The following ABCB7 variants were observed in gnomAD, a reference collection of about 807,000 sequenced individuals.
The protein encoded by ABCB7 is iron-sulfur clusters transporter ABCB7, mitochondrial.
ABCB7 carries 7 observed loss-of-function variants against 54.4 expected under a neutral mutation model. The observed-to-expected ratio is 0.13, with a 90% CI of 0.07 to 0.24. ABCB7 has a LOEUF of 0.24. Among genes scored for constraint, ABCB7 ranks in the 10% least tolerant of loss-of-function variants. ABCB7 has a pLI of 1.00. For missense variants in ABCB7, 356 were observed against 570.4 expected (o/e 0.62, Z 3.83); for synonymous variants, 218 against 207.1 (o/e 1.05, Z -0.45).
intron 4 of ABCB7, among the ~76,000 whole-genome samples, chrX:75,081,272 G>A (rs1001810458): frequency 1.8e-5 from 2 of 111,728 alleles, no homozygotes; most frequent in Admixed American, 9.5e-5. Flanking sequence ...GAAAGATTTC[G>A]GAGTAGCCAT....
At chrX:75,142,824 G>A (rs1266143846) in intron 1 of ABCB7, among the ~76,000 whole-genome samples, 1 of 112,326 alleles carries the variant, frequency 8.9e-6, no homozygotes, top group Non-Finnish European at 1.9e-5. Context: ...TTCCTGGAGG[G>A]CAAGGCTGTT....
rs1223669889 is a variant in ABCB7 at position 75,138,836 on chromosome X, T to C, written c.168+17269A>G. ...CATCCTGGCCAACATGGTGAAACCC[T>C]GTCTCTTCCAAAATACAAAAAATTA... On this transcript the variant is annotated intron_variant, in intron 1 of 15. Transcript: ENST00000373394. 2.7e-5 allele frequency among the ~76,000 whole-genome samples: 3 copies of C among 109,840 alleles called. No individual in the cohort carries two copies. The South Asian group carries it at 1.2e-3, about 43-fold the overall frequency.
intron 3 of ABCB7, among the ~76,000 whole-genome samples, chrX:75,104,047 GTTTTTTTTTTTTTTTTTTTTTTTTTTT>G (rs757074347): frequency 7.4e-5 from 1 of 13,443 alleles, no homozygotes; most frequent in Non-Finnish European, 1.7e-4. Flanking sequence ...TCTTGTTACA[GTTTTTTTTTTTTTTTTTTTTTTTTTTT>G]TTTTTTTTTT....
At chrX:75,152,959 C>T (rs532371097) in intron 1 of ABCB7, among the ~76,000 whole-genome samples, 4 of 111,726 alleles carry the variant, frequency 3.6e-5, no homozygotes, top group African/African-American at 6.5e-5. Flanking sequence ...TGGGCCAGGC[C>T]GCTTCAGGTA....
intron 1 of ABCB7, among the ~76,000 whole-genome samples, chrX:75,147,913 C>T (rs368629389): frequency 1.4e-4 from 16 of 111,530 alleles, no homozygotes; most frequent in East Asian, 1.4e-3. Flanking sequence ...GTCAGGAGTT[C>T]GAGACTAGCC....
chrX:75,146,903 T>C (rs1266075342), intron 1 of ABCB7, among the ~76,000 whole-genome samples: 4 of 87,953 alleles, frequency 4.5e-5, no homozygotes, highest in Non-Finnish European at 9.0e-5. Context: ...TGGGAGAAAA[T>C]TTTTGCAAAT....
intron 1 of ABCB7, among the ~76,000 whole-genome samples, chrX:75,134,202 T>C (rs2081993776): frequency 9.0e-6 from 1 of 111,225 alleles, no homozygotes; most frequent in South Asian, 3.8e-4. Context: ...AAAACTGACT[T>C]TAAACCAACA....
At chrX:75,057,813 C>A (rs1400195416) in intron 15 of ABCB7, among the ~76,000 whole-genome samples, 1 of 109,526 alleles carries the variant, frequency 9.1e-6, no homozygotes, top group Non-Finnish European at 1.9e-5. Flanking sequence ...AAGAATCCTC[C>A]TATTATTTGC....
intron 4 of ABCB7, among the ~76,000 whole-genome samples, chrX:75,088,241 T>C (rs1002267382): frequency 2.7e-5 from 3 of 112,320 alleles, no homozygotes; most frequent in African/African-American, 9.7e-5. Context: ...TAAAGGCATA[T>C]TTATCATCTA....
intron 15 of ABCB7, among the ~76,000 whole-genome samples, chrX:75,059,674 G>A (rs928637644): frequency 9.0e-6 from 1 of 111,196 alleles, no homozygotes; most frequent in Non-Finnish European, 1.9e-5. Context: ...CATCACAATA[G>A]TGGTACTCTG....
chrX:75,123,756 T>C (rs1223228984), intron 1 of ABCB7, among the ~76,000 whole-genome samples: 1 of 111,627 alleles, frequency 9.0e-6, no homozygotes, highest in African/African-American at 3.3e-5. Flanking sequence ...AAGTATTTTA[T>C]TCTTTTTGAT....
chrX:75,085,726 C>T (rs2081491742), intron 4 of ABCB7, among the ~76,000 whole-genome samples: 1 of 111,390 alleles, frequency 9.0e-6, no homozygotes, highest in Non-Finnish European at 1.9e-5. Context: ...GTTTCATACC[C>T]CTGTTACTTT....
chrX:75,075,212 G>C, intron 6 of ABCB7, 150 bp downstream of exon 6: 3 of 614,380 alleles, frequency 4.9e-6, no homozygotes, highest in Non-Finnish European at 7.5e-6. Context: ...TGAAGCTTGT[G>C]GCAAAATAAT....
At chrX:75,115,793 G>A (rs753813110) in intron 1 of ABCB7, among the ~76,000 whole-genome samples, 1 of 107,368 alleles carries the variant, frequency 9.3e-6, no homozygotes, top group Non-Finnish European at 1.9e-5. Flanking sequence ...TGTTGGGGGG[G>A]GGGGCACGGG....
Position 75,065,092 on chromosome X carries a change from C to G in ABCB7, c.1809G>C (p.Gly603=), listed in dbSNP as rs1362838667. ...CACCTGAAAGCTTGAGTCCTCGTTCCCCTACTTGGGTGTCATATCCATGTG... is the reference window on the plus strand; with the variant it reads ...CACCTGAAAGCTTGAGTCCTCGTTCGCCTACTTGGGTGTCATATCCATGTG... The part of the protein sequence containing the change: ...RMPHGYDTQV[G]ERGLKLSGGE... The change falls in exon 13 of 16, where the codon GGG becomes GGC. Residue 603 remains glycine (G), a synonymous_variant. Transcript: ENST00000373394. 1 of 1,210,687 alleles carries G rather than the reference C, an allele frequency of 8.3e-7. No individual in the cohort carries two copies. Among genetic ancestry groups the G allele is most frequent in the Non-Finnish European group, 1.1e-6 (1 of 895,162 alleles).
chrX:75,056,133 T>C (rs1163582722), intron 15 of ABCB7, among the ~76,000 whole-genome samples: 1 of 112,037 alleles, frequency 8.9e-6, no homozygotes, highest in Admixed American at 9.5e-5. Flanking sequence ...TATTTCTCTA[T>C]TTTCAAGGTA....
chrX:75,153,420 A>C (rs2082148005), intron 1 of ABCB7, among the ~76,000 whole-genome samples: 1 of 111,118 alleles, frequency 9.0e-6, no homozygotes, highest in African/African-American at 3.3e-5. Context: ...AAAATATAGA[A>C]TAGGAGGATT....
At chrX:75,092,222 T>C (rs763179371) in intron 4 of ABCB7, among the ~76,000 whole-genome samples, 2 of 110,882 alleles carry the variant, frequency 1.8e-5, no homozygotes, top group Non-Finnish European at 3.8e-5. Flanking sequence ...GGTCAAAAAA[T>C]AGACAAATAG....
chrX:75,134,250 T>C (rs1199831356), intron 1 of ABCB7, among the ~76,000 whole-genome samples: 6 of 111,812 alleles, frequency 5.4e-5, no homozygotes, highest in African/African-American at 2.0e-4. Context: ...TACATAATGA[T>C]AGAGGGTTCA....
Sources: gnomAD v4.1 joint callset for allele counts (sites outside exome capture counted in the v4.1 genomes callset) on GRCh38, gnomAD v4.1.1 for gene constraint, MANE v1.5 for transcripts, NCBI Gene and HGNC (gene_info 2026-07-23, HGNC 2026-07-21) for gene names.